Variants in LYPD6B observed in about 807,000 individuals in gnomAD.
LYPD6B encodes LY6/PLAUR domain containing 6B.
In LYPD6B, 17 loss-of-function variants were observed where a neutral mutation model predicts 22.8. The ratio of observed to expected loss-of-function variants is 0.75; its 90% CI spans 0.51 to 1.12. LYPD6B has a LOEUF of 1.12. Among genes scored for constraint, LYPD6B ranks in the 50% most tolerant of loss-of-function variants. LYPD6B has a pLI of 0.00. For missense variants in LYPD6B, 221 were observed against 258.3 expected, an observed-to-expected ratio of 0.86 and a Z score of 0.99; for synonymous variants, 106 against 91.6, an observed-to-expected ratio of 1.16 and a Z score of -0.90.
At chr2:149,206,172 T>C (rs1693493898) in intron 4 of LYPD6B, 1 of 283,520 alleles carries the variant, frequency 3.5e-6, no homozygotes, top group African/African-American at 2.2e-5. Context: ...TAATCACTTC[T>C]CCAGAGATTT....
chr2:149,043,812 A>G (rs1683192215), intron 1 of LYPD6B, among the ~76,000 whole-genome samples: 1 of 152,130 alleles, frequency 6.6e-6, no homozygotes, highest in African/African-American at 2.4e-5. Context: ...TATAAGGGAT[A>G]AAGTATGAGT....
At chr2:149,191,969 G>T (rs1692523120) in intron 3 of LYPD6B, among the ~76,000 whole-genome samples, 1 of 152,198 alleles carries the variant, frequency 6.6e-6, no homozygotes, top group African/African-American at 2.4e-5. Flanking sequence ...ACCAATGCTG[G>T]TTCTTCTTCA....
intron 2 of LYPD6B, among the ~76,000 whole-genome samples, chr2:149,134,538 C>T (rs1205668547): frequency 3.3e-5 from 5 of 152,184 alleles, no homozygotes. Flanking sequence ...ACTGCCCCTG[C>T]AATTCAGATC....
chr2:149,131,971 CT>C (rs1205587694), intron 2 of LYPD6B, among the ~76,000 whole-genome samples: 1 of 151,942 alleles, frequency 6.6e-6, no homozygotes, highest in African/African-American at 2.4e-5. Flanking sequence ...GTCATTTGTG[CT>C]TTATTTATGG....
chr2:149,038,873 G>A (rs1682924737), intron 1 of LYPD6B, 72 bp downstream of exon 1: 1 of 150,418 alleles, frequency 6.6e-6, no homozygotes, highest in Non-Finnish European at 1.5e-5. Flanking sequence ...CGGAGCGAGT[G>A]CGGGGCCGCG....
intron 1 of LYPD6B, among the ~76,000 whole-genome samples, chr2:149,085,416 A>G (rs1390473813): frequency 6.6e-6 from 1 of 152,248 alleles, no homozygotes; most frequent in Non-Finnish European, 1.5e-5. Flanking sequence ...CTCCAAAGAA[A>G]TGAAGGGAAG....
chr2:149,182,876 C>A (rs1443308632), intron 3 of LYPD6B, among the ~76,000 whole-genome samples: 7 of 152,184 alleles, frequency 4.6e-5, no homozygotes, highest in Non-Finnish European at 1.0e-4. Flanking sequence ...AGAAAATGTT[C>A]CTGTATTAAG....
rs910492958 is a variant in LYPD6B at position 149,153,253 on chromosome 2, G to A, written c.6-7511G>A. 3.9e-5 allele frequency among the ~76,000 whole-genome samples: 6 copies of A among 152,254 alleles called. No homozygotes were observed. The East Asian group carries it at 1.2e-3, about 29-fold the overall frequency. On this transcript the variant is annotated intron_variant, in intron 2 of 6. Transcript: ENST00000409642. ...TGGAGGCTCTATTTAAGGACAGTCA[G>A]TAATCTGTTTTGACCAGGGCTTGGA...
chr2:149,143,447 G>T (rs749107619), intron 2 of LYPD6B, among the ~76,000 whole-genome samples: 6 of 148,304 alleles, frequency 4.0e-5, no homozygotes, highest in Admixed American at 6.8e-5. Flanking sequence ...ACAAGACTAC[G>T]CCATGTTTTT....
intron 3 of LYPD6B, among the ~76,000 whole-genome samples, chr2:149,178,880 T>G: frequency 6.6e-6 from 1 of 152,200 alleles, no homozygotes; most frequent in Non-Finnish European, 1.5e-5. Flanking sequence ...AGGCGGCCAT[T>G]TAGAGCTTGG....
intron 3 of LYPD6B, among the ~76,000 whole-genome samples, chr2:149,175,358 G>A (rs897703019): frequency 2.0e-5 from 3 of 152,024 alleles, no homozygotes; most frequent in African/African-American, 7.2e-5. Flanking sequence ...TAAAAATACT[G>A]TATGAAAGAT....
chr2:149,172,760 C>G (rs552602727), intron 3 of LYPD6B, among the ~76,000 whole-genome samples: 3 of 152,022 alleles, frequency 2.0e-5, no homozygotes, highest in Admixed American at 1.3e-4. Flanking sequence ...CTGAACAGAA[C>G]GAAAAGGCAG....
chr2:149,070,989 G>T (rs59061436), intron 1 of LYPD6B, among the ~76,000 whole-genome samples: 2,424 of 152,260 alleles, frequency 0.016, 78 homozygotes, highest in African/African-American at 0.055. Context: ...TTTGTCTACC[G>T]ATAAAAGGTG....
rs113675363 is a variant in LYPD6B at position 149,117,041 on chromosome 2, A to G, written c.-66-13842A>G. On this transcript the variant is annotated intron_variant, in intron 1 of 6. Coordinates refer to ENST00000409642, the MANE Select transcript of LYPD6B (RefSeq NM_177964.5). ...CTTTGGGCCCCTTCTTGTTTATTTG[A>G]ATCTCTCAGTCTTGTCTGCTGTTTT... is the stretch of plus-strand genomic sequence containing the variant. Among the ~76,000 whole-genome samples the G allele has an allele frequency of 3.4e-3, 514 of 152,148 alleles. 3 individuals carry two copies. The highest frequency in any genetic ancestry group is 0.012 in the African/African-American group (497 of 41,508).
intron 1 of LYPD6B, among the ~76,000 whole-genome samples, chr2:149,040,179 CTA>C (rs1342804268): frequency 2.0e-5 from 3 of 151,314 alleles, no homozygotes; most frequent in Non-Finnish European, 4.4e-5. Context: ...CCCATCTTCT[CTA>C]TCCGTATAGC....
chr2:149,092,428 A>C (rs574234663), intron 1 of LYPD6B, among the ~76,000 whole-genome samples: 1 of 152,326 alleles, frequency 6.6e-6, no homozygotes, highest in Non-Finnish European at 1.5e-5. Context: ...GATCTTTATA[A>C]AACAAGACAG....
At chr2:149,202,618 C>A (rs1693237847) in intron 3 of LYPD6B, among the ~76,000 whole-genome samples, 1 of 152,134 alleles carries the variant, frequency 6.6e-6, no homozygotes, top group Non-Finnish European at 1.5e-5. Flanking sequence ...GCATGTATTG[C>A]CTGTTTTCTC....
chr2:149,065,076 T>G (rs982362875), intron 1 of LYPD6B, among the ~76,000 whole-genome samples: 1 of 152,232 alleles, frequency 6.6e-6, no homozygotes, highest in African/African-American at 2.4e-5. Context: ...GGGCAGGGAC[T>G]GCCTGAACTG....
At chr2:149,100,438 A>T (rs1013417676) in intron 1 of LYPD6B, among the ~76,000 whole-genome samples, 2 of 151,384 alleles carry the variant, frequency 1.3e-5, no homozygotes, top group African/African-American at 4.8e-5. Context: ...AAAAAAAAAA[A>T]AAAGCCCGGG....
Sources: gnomAD v4.1 joint callset for allele counts (sites outside exome capture counted in the v4.1 genomes callset) on GRCh38, gnomAD v4.1.1 for gene constraint, MANE v1.5 for transcripts, NCBI Gene and HGNC (gene_info 2026-07-23, HGNC 2026-07-21) for gene names.